The following SSBP2 variants were observed in gnomAD, a reference collection of about 807,000 sequenced individuals.
SSBP2 encodes single stranded DNA binding protein 2.
A neutral mutation model predicts 61.8 loss-of-function variants in SSBP2; 17 were observed. The observed-to-expected ratio is 0.28, with a 90% CI of 0.19 to 0.41. The LOEUF (loss-of-function observed/expected upper bound fraction) is 0.41, where lower values mean the gene tolerates loss of function less well. Among genes scored for constraint, SSBP2 ranks in the 10% least tolerant of loss-of-function variants. SSBP2 has a pLI of 1.00. For synonymous variants in SSBP2, 139 were observed against 141.3 expected (o/e 0.98, Z 0.12); for missense variants, 310 against 458.7 (o/e 0.68, Z 2.96).
At chr5:81,654,846 A>G (rs1750067078) in intron 1 of SSBP2, among the ~76,000 whole-genome samples, 1 of 152,124 alleles carries the variant, frequency 6.6e-6, no homozygotes, top group South Asian at 2.1e-4. Flanking sequence ...AGAACTCAAC[A>G]TTTTGAGCAG....
chr5:81,750,382 G>C (rs1353900869), intron 1 of SSBP2, among the ~76,000 whole-genome samples: 1 of 145,440 alleles, frequency 6.9e-6, no homozygotes, highest in Admixed American at 6.8e-5. Flanking sequence ...GCGCCCCGCG[G>C]GGCCCCGCTC....
At chr5:81,731,193 A>T (rs1380604371) in intron 1 of SSBP2, among the ~76,000 whole-genome samples, 3 of 152,226 alleles carry the variant, frequency 2.0e-5, no homozygotes, top group Non-Finnish European at 4.4e-5. Flanking sequence ...TCTCATTGGG[A>T]CAGAAAGATG....
intron 3 of SSBP2, among the ~76,000 whole-genome samples, chr5:81,633,268 A>G (rs1413127521): frequency 6.6e-6 from 1 of 151,528 alleles, no homozygotes; most frequent in Non-Finnish European, 1.5e-5. Flanking sequence ...GGTGCCTGCC[A>G]CCAGTGCCTG....
intron 4 of SSBP2, among the ~76,000 whole-genome samples, chr5:81,605,799 A>C (rs1237634244): frequency 6.6e-6 from 1 of 152,188 alleles, no homozygotes; most frequent in East Asian, 1.9e-4. Flanking sequence ...AGTACTCACT[A>C]TAGACGCAGA....
chr5:81,457,722 C>T (rs1451807549), intron 10 of SSBP2, among the ~76,000 whole-genome samples: 6 of 151,686 alleles, frequency 4.0e-5, no homozygotes, highest in Admixed American at 2.0e-4. Context: ...AGTGCAATGG[C>T]GCGATCTCGG....
chr5:81,601,345 G>A (rs1030595146), intron 4 of SSBP2, among the ~76,000 whole-genome samples: 2 of 152,128 alleles, frequency 1.3e-5, no homozygotes, highest in Non-Finnish European at 2.9e-5. Context: ...AAGAGCAACA[G>A]GAGGATCCTT....
At chr5:81,587,842 GAAAGA>G (rs1160819045) in intron 4 of SSBP2, among the ~76,000 whole-genome samples, 1 of 151,996 alleles carries the variant, frequency 6.6e-6, no homozygotes, top group Non-Finnish European at 1.5e-5. Flanking sequence ...TAGAAGAAAG[GAAAGA>G]AATGTGAAAC....
chr5:81,502,401 T>TAA (rs1767865507), intron 5 of SSBP2, among the ~76,000 whole-genome samples: 1 of 152,212 alleles, frequency 6.6e-6, no homozygotes. Flanking sequence ...TTCTTAATGT[T>TAA]AGAGTGTCCT....
Position 81,448,823 on chromosome 5 carries a change from T to C in SSBP2, c.690A>G (p.Ile230Met), listed in dbSNP as rs747506170. 3 of 1,612,886 alleles carry C rather than the reference T, an allele frequency of 1.9e-6. No homozygotes were observed. Among genetic ancestry groups the C allele is most frequent in the Admixed American group, 1.7e-5 (1 of 59,842 alleles). ...TCCCAGGAGATGCTGAGGAGTATGG[T>C]ATCTGGAACACGAATAGGACAAAAA... is the stretch of plus-strand genomic sequence containing the variant. The change falls in exon 11 of 17, where the codon ATA (isoleucine) becomes ATG (methionine). Residue 230 changes from isoleucine (I) to methionine (M), a missense_variant and splice_region_variant. Transcript: ENST00000320672.
chr5:81,716,603 T>C (rs554658727), intron 1 of SSBP2, among the ~76,000 whole-genome samples: 4 of 152,166 alleles, frequency 2.6e-5, no homozygotes, highest in Non-Finnish European at 5.9e-5. Context: ...TACATAAACT[T>C]TTTTTCAGTT....
At chr5:81,730,232 A>C (rs1008951429) in intron 1 of SSBP2, among the ~76,000 whole-genome samples, 9 of 150,640 alleles carry the variant, frequency 6.0e-5, no homozygotes, top group African/African-American at 2.2e-4. Context: ...TTTTAAAAGA[A>C]TTTTTTTTTT....
At chr5:81,532,777 G>T (rs1770514201) in intron 4 of SSBP2, among the ~76,000 whole-genome samples, 1 of 151,296 alleles carries the variant, frequency 6.6e-6, no homozygotes, top group African/African-American at 2.4e-5. Flanking sequence ...TCAGGACAAG[G>T]AATAACAGAA....
chr5:81,527,722 A>G (rs1332070996), intron 4 of SSBP2, among the ~76,000 whole-genome samples: 2 of 151,770 alleles, frequency 1.3e-5, no homozygotes, highest in African/African-American at 4.8e-5. Context: ...AACATCACAC[A>G]CTGGGGCCTG....
intron 5 of SSBP2, among the ~76,000 whole-genome samples, chr5:81,493,583 A>C (rs1580827179): frequency 6.6e-6 from 1 of 152,072 alleles, no homozygotes; most frequent in South Asian, 2.1e-4. Flanking sequence ...GTGAAACCCT[A>C]TCTCTAGTAA....
intron 4 of SSBP2, among the ~76,000 whole-genome samples, chr5:81,587,755 A>ACGCGCGCG (rs780681857): frequency 1.7e-4 from 24 of 137,812 alleles, no homozygotes; most frequent in African/African-American, 5.5e-4. Flanking sequence ...ACGCACACAC[A>ACGCGCGCG]CGCGCGCGCA....
intron 5 of SSBP2, among the ~76,000 whole-genome samples, chr5:81,512,469 T>A (rs1768690782): frequency 6.6e-6 from 1 of 152,206 alleles, no homozygotes; most frequent in Non-Finnish European, 1.5e-5. Context: ...TCTTAAATGC[T>A]GGTGGTTTAA....
At chr5:81,482,484 T>C (rs1580796558) in intron 6 of SSBP2, among the ~76,000 whole-genome samples, 2 of 152,210 alleles carry the variant, frequency 1.3e-5, no homozygotes, top group African/African-American at 2.4e-5. Flanking sequence ...CTTTCTGCAG[T>C]AGAATCATCA....
chr5:81,607,658 A>AT (rs955932789), intron 4 of SSBP2, among the ~76,000 whole-genome samples: 1 of 151,970 alleles, frequency 6.6e-6, no homozygotes, highest in Non-Finnish European at 1.5e-5. Flanking sequence ...AGTCCATTTA[A>AT]TTTTTTTTCC....
At chr5:81,651,257 C>A (rs1749701939) in intron 1 of SSBP2, among the ~76,000 whole-genome samples, 1 of 152,060 alleles carries the variant, frequency 6.6e-6, no homozygotes, top group Admixed American at 6.6e-5. Context: ...TACAATGTAA[C>A]AATAACCACA....
Sources: gnomAD v4.1 joint callset for allele counts (sites outside exome capture counted in the v4.1 genomes callset) on GRCh38, gnomAD v4.1.1 for gene constraint, MANE v1.5 for transcripts, NCBI Gene and HGNC (gene_info 2026-07-23, HGNC 2026-07-21) for gene names.